Variants in ERC2 observed in about 807,000 individuals in gnomAD.
The protein encoded by ERC2 is ELKS/RAB6-interacting/CAST family member 2.
A neutral mutation model predicts 114.8 loss-of-function variants in ERC2; 42 were observed. The ratio of observed to expected loss-of-function variants is 0.37; its 90% CI spans 0.29 to 0.47. The LOEUF is 0.47. Ranked by LOEUF, ERC2 falls within the 20% of genes least tolerant of loss-of-function variation. The pLI, the probability that ERC2 is intolerant of heterozygous loss-of-function variation, is 0.99. For synonymous variants in ERC2, 454 were observed against 425.5 expected (o/e 1.07, Z -0.82); for missense variants, 939 against 1,150.7 (o/e 0.82, Z 2.66).
At position 56,158,549 on chromosome 3, in the gene ERC2, C is replaced by T. The variant is rs1470014096; in HGVS notation, c.1150-9417G>A. Among the ~76,000 whole-genome samples, 4 of 152,072 alleles carry T rather than the reference C, an allele frequency of 2.6e-5. No homozygotes were observed. The East Asian group carries it at 7.7e-4, about 29-fold the overall frequency. On this transcript the variant is annotated intron_variant, in intron 4 of 17. Transcript: ENST00000288221. ...GGATTCCTTGATCCTCTATTATGTGCCAGGATTTTCCCATGCCTTAACTCA... is the reference window on the plus strand; with the variant it reads ...GGATTCCTTGATCCTCTATTATGTGTCAGGATTTTCCCATGCCTTAACTCA...
chr3:56,020,706 C>T (rs1379712), intron 7 of ERC2, among the ~76,000 whole-genome samples: 49,860 of 152,000 alleles, frequency 0.33, 9,224 homozygotes, highest in East Asian at 0.55. Flanking sequence ...GCAAATCCAC[C>T]GTGGTTCTGA....
chr3:56,256,433 A>G (rs962489389), intron 3 of ERC2, among the ~76,000 whole-genome samples: 5 of 152,180 alleles, frequency 3.3e-5, no homozygotes, highest in Non-Finnish European at 5.9e-5. Context: ...ATATCCAGGT[A>G]TTTGAGACAG....
chr3:56,453,199 T>C (rs1366129432), intron 1 of ERC2, among the ~76,000 whole-genome samples: 1 of 152,220 alleles, frequency 6.6e-6, no homozygotes, highest in Non-Finnish European at 1.5e-5. Flanking sequence ...GGCTTGGCCG[T>C]ATGACTTGTT....
chr3:55,586,444 C>T (rs1431990221), intron 17 of ERC2, among the ~76,000 whole-genome samples: 1 of 152,150 alleles, frequency 6.6e-6, no homozygotes, highest in East Asian at 1.9e-4. Context: ...CGGATATTTC[C>T]CCATTCTAAA....
chr3:56,199,015 GTATTTATTGAGCATC>G (rs1560356417), intron 3 of ERC2, among the ~76,000 whole-genome samples: 1 of 152,148 alleles, frequency 6.6e-6, no homozygotes, highest in Non-Finnish European at 1.5e-5. Flanking sequence ...CATTCAACAG[GTATTTATTGAGCATC>G]TATTATATGA....
In ERC2 at chr3:56,422,627, A is replaced by C. The variant is rs189236829; in HGVS notation, c.657+11724T>G. Among the ~76,000 whole-genome samples, 8 of 152,194 alleles carry C rather than the reference A, an allele frequency of 5.3e-5. No individual in the cohort carries two copies. In the East Asian group the frequency reaches 1.5e-3, roughly 29 times the overall value. ...GATGCTGTCAGGCAACACATTGCTT[A>C]CTCCACTCTATCTTAGAGCTTCCAT... On this transcript the variant is annotated intron_variant, in intron 2 of 17. Coordinates refer to ENST00000288221, the MANE Select transcript of ERC2 (RefSeq NM_015576.3).
intron 17 of ERC2, among the ~76,000 whole-genome samples, chr3:55,575,335 C>T (rs937995912): frequency 9.2e-5 from 14 of 152,132 alleles, no homozygotes; most frequent in Admixed American, 9.2e-4. Flanking sequence ...CAGAGGTGCA[C>T]TTTCCCACCC....
chr3:55,646,311 TC>T (rs1182120795), intron 17 of ERC2, among the ~76,000 whole-genome samples: 1 of 152,222 alleles, frequency 6.6e-6, no homozygotes, highest in East Asian at 1.9e-4. Context: ...GAGCTGATCT[TC>T]CTTTGCTAAA....
chr3:56,467,361 AG>A (rs1239763264), intron 1 of ERC2, among the ~76,000 whole-genome samples: 4 of 152,238 alleles, frequency 2.6e-5, no homozygotes, highest in Non-Finnish European at 5.9e-5. Context: ...CAGCAAAGGC[AG>A]GTAGCCGCCT....
chr3:55,979,583 T>C (rs1283600070), intron 12 of ERC2, among the ~76,000 whole-genome samples: 2 of 152,190 alleles, frequency 1.3e-5, no homozygotes, highest in East Asian at 3.8e-4. Flanking sequence ...TAAATTATTG[T>C]ACATACAGCT....
chr3:55,515,404 G>C (rs761515041), intron 17 of ERC2, among the ~76,000 whole-genome samples: 4 of 151,952 alleles, frequency 2.6e-5, no homozygotes, highest in Admixed American at 6.6e-5. Flanking sequence ...GTCTCTCTCT[G>C]TTGTCCAGGC....
At chr3:56,232,012 C>G (rs2050653095) in intron 3 of ERC2, among the ~76,000 whole-genome samples, 1 of 151,702 alleles carries the variant, frequency 6.6e-6, no homozygotes, top group Non-Finnish European at 1.5e-5. Context: ...GCCCTGTTGC[C>G]CAGGCTGGAG....
intron 3 of ERC2, among the ~76,000 whole-genome samples, chr3:56,217,143 A>G (rs7626017): frequency 0.76 from 114,794 of 152,038 alleles, 45,852 homozygotes; most frequent in South Asian, 0.89. Flanking sequence ...TGGCCAGGGC[A>G]ATCAGTCAGG....
chr3:55,704,373 G>A (rs56410103), intron 15 of ERC2, among the ~76,000 whole-genome samples: 1,590 of 152,208 alleles, frequency 0.01, 32 homozygotes, highest in African/African-American at 0.036. Flanking sequence ...TCATGAATAC[G>A]GTTTAAATAG....
intron 14 of ERC2, among the ~76,000 whole-genome samples, chr3:55,772,199 G>T (rs754743076): frequency 1.3e-5 from 2 of 152,216 alleles, no homozygotes; most frequent in Non-Finnish European, 2.9e-5. Context: ...CTAGAGTGCA[G>T]TGGTGTGATC....
chr3:55,771,642 G>A (rs1181368125), intron 14 of ERC2, among the ~76,000 whole-genome samples: 1 of 152,150 alleles, frequency 6.6e-6, no homozygotes, highest in East Asian at 1.9e-4. Flanking sequence ...CAGGCACAAA[G>A]CATGAGCCTC....
rs1159737680 is a variant in ERC2, at chr3:55,508,425, C to T, written c.*2891G>A. On this transcript the variant is annotated 3_prime_UTR_variant, in exon 18 of 18. Coordinates refer to ENST00000288221, the MANE Select transcript of ERC2 (RefSeq NM_015576.3). ...TGTACATACCTTGTACATTGTTCTACTAGACACGAGGTTACAATGACTGGC... is the reference window on the plus strand; with the variant it reads ...TGTACATACCTTGTACATTGTTCTATTAGACACGAGGTTACAATGACTGGC... 6.6e-6 allele frequency: 1 copy of T among 152,652 alleles called. No individual in the cohort carries two copies. Among genetic ancestry groups the T allele is most frequent in the Non-Finnish European group, 1.5e-5 (1 of 68,040 alleles). The allele number at this position is 152,652 out of a possible 1,614,324, so 9.5% of individuals were successfully genotyped here.
chr3:56,277,019 G>A (rs2054048847), intron 3 of ERC2, among the ~76,000 whole-genome samples: 2 of 152,162 alleles, frequency 1.3e-5, no homozygotes, highest in African/African-American at 2.4e-5. Flanking sequence ...GATGAACTTT[G>A]CCTCATCCCT....
At chr3:56,365,185 G>A (rs754216681) in intron 2 of ERC2, among the ~76,000 whole-genome samples, 13 of 152,270 alleles carry the variant, frequency 8.5e-5, no homozygotes, top group South Asian at 2.1e-4. Context: ...ACAGTCATGT[G>A]CTGCATAATG....
Sources: gnomAD v4.1 joint callset for allele counts (sites outside exome capture counted in the v4.1 genomes callset) on GRCh38, gnomAD v4.1.1 for gene constraint, MANE v1.5 for transcripts, NCBI Gene and HGNC (gene_info 2026-07-23, HGNC 2026-07-21) for gene names.